Variants in SYT1 observed in about 807,000 individuals in gnomAD.
SYT1 encodes the protein synaptotagmin-1.
In SYT1, 8 loss-of-function variants were observed where a neutral mutation model predicts 44.8. The observed-to-expected ratio is 0.18, with a 90% CI of 0.10 to 0.32. The LOEUF is 0.32. SYT1 is among the 10% of genes least tolerant of loss of function. SYT1 has a pLI of 1.00. For missense variants in SYT1, 286 were observed against 509.3 expected (o/e 0.56, Z 4.22); for synonymous variants, 154 against 188.8 (o/e 0.82, Z 1.51).
At chr12:79,376,727 A>T (rs1884009616) in intron 9 of SYT1, among the ~76,000 whole-genome samples, 1 of 152,200 alleles carries the variant, frequency 6.6e-6, no homozygotes. Flanking sequence ...AGTGAGCTGG[A>T]AATGAAGCAA....
At chr12:79,201,383 C>T (rs1340969781) in intron 3 of SYT1, among the ~76,000 whole-genome samples, 1 of 152,124 alleles carries the variant, frequency 6.6e-6, no homozygotes, top group Non-Finnish European at 1.5e-5. Flanking sequence ...GGCAAACAGG[C>T]TTCATCAAGA....
At chr12:79,025,616 A>G (rs1294788381) in intron 2 of SYT1, among the ~76,000 whole-genome samples, 1 of 151,586 alleles carries the variant, frequency 6.6e-6, no homozygotes, top group African/African-American at 2.4e-5. Context: ...ACACATATGC[A>G]TATATATGAT....
intron 8 of SYT1, among the ~76,000 whole-genome samples, chr12:79,313,678 T>C (rs1317465899): frequency 6.6e-6 from 1 of 151,164 alleles, no homozygotes; most frequent in African/African-American, 2.4e-5. Context: ...GAGACAGAAC[T>C]ACAGGGTAGA....
intron 3 of SYT1, among the ~76,000 whole-genome samples, chr12:79,080,020 A>C (rs1434970451): frequency 6.6e-6 from 1 of 152,062 alleles, no homozygotes; most frequent in Non-Finnish European, 1.5e-5. Context: ...GAGAATCTTA[A>C]ATTCAAAGTA....
chr12:79,186,293 T>G lies in SYT1; in HGVS notation c.-17-31210T>G, dbSNP rs549641660. Among the ~76,000 whole-genome samples, 6 of 152,204 alleles carry G rather than the reference T, an allele frequency of 3.9e-5. No individual in the cohort carries two copies. In the East Asian group the frequency reaches 1.2e-3, roughly 29 times the overall value. On this transcript the variant is annotated intron_variant, in intron 3 of 10. Transcript: ENST00000261205. ...TGTTAGTTTGTATTTTATTTATATT[T>G]GTTGCACAAAGCCATTACTTTGTAA...
At chr12:78,973,934 AAAAAATATATATATAT>A (rs1868593837) in intron 1 of SYT1, among the ~76,000 whole-genome samples, 1 of 29,166 alleles carries the variant, frequency 3.4e-5, no homozygotes, top group Non-Finnish European at 5.8e-5. Flanking sequence ...AAAAAAAAAA[AAAAAATATATATATAT>A]ATATATATAT....
chr12:79,146,077 C>T (rs2138237041), intron 3 of SYT1, among the ~76,000 whole-genome samples: 1 of 152,244 alleles, frequency 6.6e-6, no homozygotes, highest in Admixed American at 6.5e-5. Flanking sequence ...GTTTTAAGTC[C>T]TGTGGAGGAG....
intron 3 of SYT1, among the ~76,000 whole-genome samples, chr12:79,109,374 A>G (rs928145329): frequency 6.6e-6 from 1 of 152,196 alleles, no homozygotes; most frequent in Non-Finnish European, 1.5e-5. Context: ...ACCATTTTGT[A>G]GATAAAAGAA....
intron 1 of SYT1, among the ~76,000 whole-genome samples, chr12:78,904,775 A>G (rs559542345): frequency 6.6e-6 from 1 of 152,292 alleles, no homozygotes; most frequent in African/African-American, 2.4e-5. Flanking sequence ...CTAATAACAT[A>G]CATACAATTT....
chr12:78,987,637 T>C (rs780710244), intron 2 of SYT1, among the ~76,000 whole-genome samples: 1 of 152,016 alleles, frequency 6.6e-6, no homozygotes, highest in Non-Finnish European at 1.5e-5. Flanking sequence ...CCTACAGTAC[T>C]CTGCATACAT....
intron 1 of SYT1, among the ~76,000 whole-genome samples, chr12:78,899,383 C>T (rs1329204902): frequency 2.0e-5 from 3 of 151,824 alleles, no homozygotes; most frequent in South Asian, 2.1e-4. Flanking sequence ...TGAAAGGCTA[C>T]GAACCCTGGA....
chr12:79,073,416 T>A (rs142245225), intron 3 of SYT1, among the ~76,000 whole-genome samples: 35 of 152,310 alleles, frequency 2.3e-4, no homozygotes, highest in African/African-American at 7.9e-4. Context: ...TATATGGTGA[T>A]AAATGCTTTG....
chr12:79,059,246 G>A (rs568467761), intron 3 of SYT1, among the ~76,000 whole-genome samples: 118 of 152,156 alleles, frequency 7.8e-4, no homozygotes, highest in South Asian at 2.5e-3. Flanking sequence ...CCCACAACAG[G>A]TGGGAATTAT....
At chr12:79,137,085 C>A (rs1249191922) in intron 3 of SYT1, among the ~76,000 whole-genome samples, 1 of 151,530 alleles carries the variant, frequency 6.6e-6, no homozygotes, top group Non-Finnish European at 1.5e-5. Context: ...AAATACTATA[C>A]TTGGAACTTT....
At chr12:79,352,186 A>ACCCC (rs34574402) in intron 8 of SYT1, among the ~76,000 whole-genome samples, 1 of 123,692 alleles carries the variant, frequency 8.1e-6, no homozygotes, top group African/African-American at 2.9e-5. Context: ...TAATGAATAC[A>ACCCC]CCCCCCCCCC....
chr12:79,273,695 C>G (rs1878557386), intron 4 of SYT1, among the ~76,000 whole-genome samples: 1 of 152,084 alleles, frequency 6.6e-6, no homozygotes, highest in Admixed American at 6.5e-5. Context: ...ACTCCTAGAC[C>G]CCAGTGAAAC....
intron 8 of SYT1, among the ~76,000 whole-genome samples, chr12:79,333,828 AAAC>A (rs1474418793): frequency 6.6e-6 from 1 of 152,202 alleles, no homozygotes; most frequent in Non-Finnish European, 1.5e-5. Context: ...ATCTAACAAC[AAAC>A]AACAAACCAG....
chr12:78,996,507 T>TAAAA (rs1026255901), intron 2 of SYT1, among the ~76,000 whole-genome samples: 2 of 152,172 alleles, frequency 1.3e-5, no homozygotes, highest in Non-Finnish European at 2.9e-5. Context: ...GGAAGAGCTT[T>TAAAA]AAACTTCCCT....
chr12:79,217,357 C>T, intron 3 of SYT1, 146 bp from the exon 4 acceptor site: 1 of 604,760 alleles, frequency 1.7e-6, no homozygotes, highest in Non-Finnish European at 2.6e-6. Flanking sequence ...ATTTCATTTA[C>T]CAACACAAAG....
Sources: gnomAD v4.1 joint callset for allele counts (sites outside exome capture counted in the v4.1 genomes callset) on GRCh38, gnomAD v4.1.1 for gene constraint, MANE v1.5 for transcripts, NCBI Gene and HGNC (gene_info 2026-07-23, HGNC 2026-07-21) for gene names.